The following APP variants were observed in gnomAD, a reference collection of about 807,000 sequenced individuals.
APP encodes amyloid-beta precursor protein.
APP carries 31 observed loss-of-function variants against 101.4 expected under a neutral mutation model. The observed-to-expected ratio is 0.31, with a 90% CI of 0.23 to 0.41. The LOEUF is 0.41. APP is among the 10% of genes least tolerant of loss of function. The probability of loss-of-function intolerance (pLI) is 1.00; values close to 1 mark genes in which losing one functional copy is unlikely to be tolerated. For missense variants in APP, 839 were observed against 1,003.7 expected, an observed-to-expected ratio of 0.84 and a Z score of 2.22; for synonymous variants, 366 against 364.4, an observed-to-expected ratio of 1.00 and a Z score of -0.05.
At chr21:25,929,929 G>A (rs1449630736) in intron 13 of APP, among the ~76,000 whole-genome samples, 1 of 152,156 alleles carries the variant, frequency 6.6e-6, no homozygotes, top group East Asian at 1.9e-4. Context: ...CCCACTAAGA[G>A]AGAGCAAGAA....
chr21:25,884,929 G>A (rs977637765), intron 17 of APP, among the ~76,000 whole-genome samples: 15 of 152,232 alleles, frequency 9.9e-5, no homozygotes, highest in African/African-American at 3.4e-4. Context: ...ACGCTTAAGA[G>A]TGCCCTGCTA....
At chr21:26,037,099 T>A (rs150247322) in intron 5 of APP, among the ~76,000 whole-genome samples, 5 of 152,292 alleles carry the variant, frequency 3.3e-5, no homozygotes, top group African/African-American at 1.2e-4. Context: ...GGACATATGT[T>A]AAGTGAAATA....
intron 13 of APP, among the ~76,000 whole-genome samples, chr21:25,926,498 A>G (rs2039903517): frequency 6.6e-6 from 1 of 152,184 alleles, no homozygotes; most frequent in South Asian, 2.1e-4. Context: ...AACTGCACTC[A>G]TGGCCTTTTC....
At chr21:25,944,204 T>C (rs2040706896) in intron 13 of APP, among the ~76,000 whole-genome samples, 1 of 152,216 alleles carries the variant, frequency 6.6e-6, no homozygotes, top group South Asian at 2.1e-4. Context: ...TTAAACGCAC[T>C]ATCTGAAGTC....
At chr21:26,010,386 T>C (rs1481954658) in intron 6 of APP, among the ~76,000 whole-genome samples, 2 of 152,226 alleles carry the variant, frequency 1.3e-5, no homozygotes, top group African/African-American at 4.8e-5. Context: ...TGCTTTTACC[T>C]TACTAAATGT....
intron 2 of APP, 116 bp from the exon 3 acceptor site, chr21:26,090,188 T>C: frequency 1.3e-6 from 2 of 1,498,540 alleles, no homozygotes; most frequent in East Asian, 2.4e-5. Flanking sequence ...CCAAAATGCT[T>C]GGGACCAGAA....
chr21:25,957,567 T>C (rs1447623967), intron 11 of APP, among the ~76,000 whole-genome samples: 1 of 152,208 alleles, frequency 6.6e-6, no homozygotes. Flanking sequence ...CTGTGACTAA[T>C]CGCATTTAAC....
intron 13 of APP, among the ~76,000 whole-genome samples, chr21:25,944,451 T>A (rs1189543187): frequency 2.0e-5 from 3 of 152,212 alleles, no homozygotes; most frequent in Non-Finnish European, 2.9e-5. Context: ...CCATAGTGCA[T>A]ACGGCAGGAA....
In APP at chr21:25,984,801, C is replaced by CAATCTGGCAGAATGACATGTTT. The variant is rs548792360; in HGVS notation, c.1091-2346_1091-2325dup. On this transcript the variant is annotated intron_variant, in intron 8 of 17. Coordinates refer to ENST00000346798, the MANE Select transcript of APP (RefSeq NM_000484.4). ...AACAGTAACATTCTTTTGCATAGTC[C>CAATCTGGCAGAATGACATGTTT]AATCTGGCAGAATGACATGTTTAGG... 3.6e-3 allele frequency among the ~76,000 whole-genome samples: 549 copies of CAATCTGGCAGAATGACATGTTT among 152,190 alleles called. 2 individuals carry two copies. Among genetic ancestry groups the CAATCTGGCAGAATGACATGTTT allele is most frequent in the African/African-American group, 0.012 (499 of 41,524 alleles).
At chr21:25,928,279 T>C (rs1350132564) in intron 13 of APP, among the ~76,000 whole-genome samples, 1 of 152,168 alleles carries the variant, frequency 6.6e-6, no homozygotes, top group Admixed American at 6.5e-5. Context: ...GAGGCGGAGC[T>C]TGCAGCGAGC....
At chr21:25,917,921 A>G (rs1460859077) in intron 13 of APP, among the ~76,000 whole-genome samples, 1 of 152,154 alleles carries the variant, frequency 6.6e-6, no homozygotes, top group Non-Finnish European at 1.5e-5. Flanking sequence ...ACATATGAAA[A>G]AAAAAAAAAA....
intron 5 of APP, among the ~76,000 whole-genome samples, chr21:26,040,952 T>G (rs2045348267): frequency 6.6e-6 from 1 of 152,220 alleles, no homozygotes; most frequent in African/African-American, 2.4e-5. Flanking sequence ...AAATGTTACC[T>G]AGTAAACTAA....
intron 5 of APP, among the ~76,000 whole-genome samples, chr21:26,031,657 G>A (rs1243234011): frequency 2.0e-5 from 3 of 152,098 alleles, no homozygotes; most frequent in East Asian, 1.9e-4. Flanking sequence ...ATTCATTATC[G>A]CAAGAATAGT....
chr21:25,910,295 C>CT (rs1015908037), intron 14 of APP, among the ~76,000 whole-genome samples: 4 of 151,894 alleles, frequency 2.6e-5, no homozygotes, highest in East Asian at 1.9e-4. Flanking sequence ...GCCCGGCTAA[C>CT]TTTTTTTTGT....
chr21:26,090,737 C>T (rs1228361820), intron 2 of APP, among the ~76,000 whole-genome samples: 1 of 152,184 alleles, frequency 6.6e-6, no homozygotes, highest in Non-Finnish European at 1.5e-5. Flanking sequence ...CAACCTCCCC[C>T]TATCTCTCAC....
chr21:26,084,208 AC>A (rs1172431189), intron 3 of APP, among the ~76,000 whole-genome samples: 1 of 141,322 alleles, frequency 7.1e-6, no homozygotes, highest in African/African-American at 2.6e-5. Flanking sequence ...ATGGAGGATG[AC>A]CTACCTAGAA....
chr21:26,107,594 C>A (rs1428118367), intron 2 of APP, among the ~76,000 whole-genome samples: 2 of 152,222 alleles, frequency 1.3e-5, no homozygotes, highest in Admixed American at 1.3e-4. Flanking sequence ...TCATCTCCCT[C>A]ATGGGGAATC....
intron 3 of APP, among the ~76,000 whole-genome samples, chr21:26,063,526 G>GAA (rs1036108570): frequency 7.2e-6 from 1 of 138,326 alleles, no homozygotes. Flanking sequence ...CATCTTGTAA[G>GAA]AAAAAAAAAA....
intron 6 of APP, among the ~76,000 whole-genome samples, chr21:26,002,287 G>C (rs564762352): frequency 1.4e-3 from 111 of 76,654 alleles, no homozygotes; most frequent in African/African-American, 4.5e-3. Context: ...CGTGATGGTA[G>C]CCACCTCTGG....
Sources: gnomAD v4.1 joint callset for allele counts (sites outside exome capture counted in the v4.1 genomes callset) on GRCh38, gnomAD v4.1.1 for gene constraint, MANE v1.5 for transcripts, NCBI Gene and HGNC (gene_info 2026-07-23, HGNC 2026-07-21) for gene names.